The following GP2 variants were observed in gnomAD, a reference collection of about 807,000 sequenced individuals.
The protein encoded by GP2 is glycoprotein 2, also known as pancreatic secretory granule membrane major glycoprotein GP2.
GP2 carries 58 observed loss-of-function variants against 60.8 expected under a neutral mutation model. The observed-to-expected ratio is 0.95, with a 90% CI of 0.77 to 1.19. GP2 has a LOEUF of 1.19. GP2 is among the 50% of genes most tolerant of loss of function. The pLI is 0.00. For synonymous variants in GP2, 280 were observed against 253.4 expected, an observed-to-expected ratio of 1.10 and a Z score of -1.00; for missense variants, 647 against 667.4, an observed-to-expected ratio of 0.97 and a Z score of 0.34.
In GP2 at chr16:20,318,326, A is replaced by T. The variant is rs369702436; in HGVS notation, c.1112T>A (p.Leu371Gln). 4.3e-6 allele frequency: 7 copies of T among 1,613,824 alleles called. No homozygotes were observed. Among genetic ancestry groups the T allele is most frequent in the Non-Finnish European group, 5.1e-6 (6 of 1,179,794 alleles). ...CACATACAGCACGGACTCAACAGAC[A>T]GTTCAACTGCATCCCCTTCGTAAGG... ...TNPYEGDAVE[L>Q]SVESVLYVGA... The change falls in exon 7 of 11, where the codon CTG becomes CAG. Residue 371 changes from leucine to glutamine, a missense_variant. Leu to Gln is a moderately radical substitution (Grantham distance 113, BLOSUM62 -2). Transcript: ENST00000302555.
intron 9 of GP2, 149 bp downstream of exon 9, chr16:20,315,807 C>A: frequency 1.6e-6 from 1 of 642,744 alleles, no homozygotes. Context: ...TCATTATTAC[C>A]CAAAGCATCT....
chr16:20,317,168 G>C (rs775923486), intron 8 of GP2, 45 bp downstream of exon 8: 1 of 1,128,564 alleles, frequency 8.9e-7, no homozygotes, highest in East Asian at 5.1e-5. Context: ...CAGGTACCAG[G>C]CTCCATGCCA....
chr16:20,324,531 T>C (rs913585794), intron 2 of GP2, among the ~76,000 whole-genome samples: 20 of 152,220 alleles, frequency 1.3e-4, no homozygotes, highest in African/African-American at 4.3e-4. Context: ...CTGTGCATCA[T>C]GCAAACAGCA....
chr16:20,313,550 T>C (rs1418388371), intron 10 of GP2, among the ~76,000 whole-genome samples: 1 of 152,246 alleles, frequency 6.6e-6, no homozygotes, highest in Non-Finnish European at 1.5e-5. Context: ...CCGACTCATT[T>C]TTCTCAATTG....
chr16:20,324,480 G>A (rs1225400006), intron 2 of GP2, among the ~76,000 whole-genome samples: 2 of 152,192 alleles, frequency 1.3e-5, no homozygotes, highest in Non-Finnish European at 2.9e-5. Flanking sequence ...CTACCGTCCT[G>A]CACAGCCTCC....
At chr16:20,315,529 C>T (rs116170824) in intron 9 of GP2, among the ~76,000 whole-genome samples, 2,435 of 152,250 alleles carry the variant, frequency 0.016, 39 homozygotes, top group African/African-American at 0.036. Context: ...TTAGGACTTA[C>T]GCCTCACCCA....
chr16:20,327,466 C>T lies in GP2; in HGVS notation c.-37+1G>A, dbSNP rs1162107854. 1.6e-6 allele frequency: 2 copies of T among 1,287,990 alleles called. No homozygotes were observed. The highest frequency in any genetic ancestry group is 2.0e-6 in the Non-Finnish European group (2 of 987,862). 79.8% of individuals were successfully genotyped at this position (1,287,990 alleles called of 1,614,324 possible). A position where few individuals can be genotyped will look rare whatever the true frequency, so the allele number is the denominator to read the frequency against. On this transcript the variant is annotated splice_donor_variant, in intron 1 of 10. Coordinates refer to ENST00000302555, the MANE Select transcript of GP2 (RefSeq NM_001502.4). LOFTEE classifies it low-confidence loss of function (5UTR_SPLICE). ...CTCCTGGGGCTTAAAGCAGGACTTA[C>T]CTCCGATGAGAACACAAAGCGTTCC...
Position 20,318,181 on chromosome 16 carries a change from T to C in GP2, c.1253+4A>G, listed in dbSNP as rs2141599616. 1 of 1,612,716 alleles carries C rather than the reference T, an allele frequency of 6.2e-7. No homozygotes were observed. Among genetic ancestry groups the C allele is most frequent in the East Asian group, 2.2e-5 (1 of 44,864 alleles). On this transcript the variant is annotated splice_donor_region_variant and intron_variant, in intron 7 of 10. Transcript: ENST00000302555. The stretch of plus-strand genomic sequence containing the variant: ...CAAATGATAATTCCAGAATTGCTCG[T>C]TACCTGTTTCTGATGATGAAATACT...
At position 20,324,166 on chromosome 16, in the gene GP2, G is replaced by C. The variant is rs1348233038; in HGVS notation, c.185C>G (p.Pro62Arg). The C allele has an allele frequency of 1.9e-6, 3 of 1,613,670 alleles. No individual in the cohort carries two copies. Among genetic ancestry groups the C allele is most frequent in the Non-Finnish European group, 2.5e-6 (3 of 1,179,658 alleles). Residue 62 changes from proline (P) to arginine (R), a missense_variant, in exon 3 of 11, where the codon CCC (proline) becomes CGC (arginine). By Grantham distance (103) the Pro-to-Arg change is moderately radical (BLOSUM62 -2). Coordinates refer to ENST00000302555, the MANE Select transcript of GP2 (RefSeq NM_001502.4). ...GTPEAHVCFD[P>R]CQNYTLLDEP... Reference sequence around the variant, plus strand: ...ATCCAGGAGGGTGTAATTCTGACAGGGGTCAAAACAGACATGAGCCTCTGG... The same window carrying C: ...ATCCAGGAGGGTGTAATTCTGACAGCGGTCAAAACAGACATGAGCCTCTGG...
In GP2 at chr16:20,311,237, C is replaced by T; in HGVS notation, c.1591G>A (p.Ala531Thr). ...CAGCGGAGCTCTCAGAACAGCCAAGCCAGGAGGACAGTCAGGAGGACCATA... is the reference window on the plus strand; with the variant it reads ...CAGCGGAGCTCTCAGAACAGCCAAGTCAGGAGGACAGTCAGGAGGACCATA... ...WPMVLLTVLLAWLF is the reference protein window; with the variant it reads ...WPMVLLTVLLTWLF The change falls in exon 11 of 11, where the codon GCT (alanine) becomes ACT (threonine). Residue 531 changes from alanine to threonine, a missense_variant. Physicochemically the swap from Ala to Thr is moderately conservative, Grantham distance 58. Transcript: ENST00000302555. 6.2e-7 allele frequency: 1 copy of T among 1,609,860 alleles called. No homozygotes were observed. The highest frequency in any genetic ancestry group is 1.3e-5 in the African/African-American group (1 of 74,914).
intron 9 of GP2, 147 bp from the exon 10 acceptor site, chr16:20,314,848 T>A: frequency 1.4e-6 from 1 of 693,904 alleles, no homozygotes; most frequent in South Asian, 1.6e-5. Flanking sequence ...ATCTAGAATC[T>A]GGCACAGGCA....
intron 1 of GP2, 32 bp from the exon 2 acceptor site, chr16:20,326,499 G>A (rs556828466): frequency 1.6e-5 from 25 of 1,582,200 alleles, no homozygotes; most frequent in Non-Finnish European, 2.1e-5. Context: ...GATAAGATTA[G>A]GGCATAGGTC....
At chr16:20,312,751 A>C (rs763932549) in intron 10 of GP2, among the ~76,000 whole-genome samples, 6 of 152,066 alleles carry the variant, frequency 3.9e-5, no homozygotes, top group Non-Finnish European at 8.8e-5. Context: ...CCCGGGTTCA[A>C]GTGATTCTCC....
chr16:20,317,831 G>A (rs973415019), intron 7 of GP2, among the ~76,000 whole-genome samples: 1 of 152,004 alleles, frequency 6.6e-6, no homozygotes, highest in South Asian at 2.1e-4. Flanking sequence ...TTTGTCAGCC[G>A]GGCATGTTTA....
intron 4 of GP2, among the ~76,000 whole-genome samples, chr16:20,322,338 A>C (rs1013624940): frequency 1.3e-5 from 2 of 152,178 alleles, no homozygotes; most frequent in Non-Finnish European, 2.9e-5. Context: ...CCCATGGGAC[A>C]TCTCACTCTG....
At position 20,310,832 on chromosome 16, in the gene GP2, C is replaced by T. The variant is rs962309277; in HGVS notation, c.*391G>A. The T allele has an allele frequency of 2.9e-5, 5 of 171,620 alleles. No individual in the cohort carries two copies. Among genetic ancestry groups the T allele is most frequent in the Non-Finnish European group, 4.9e-5 (4 of 80,940 alleles). The allele number at this position is 171,620 out of a possible 1,614,324, so 10.6% of individuals were successfully genotyped here. On this transcript the variant is annotated 3_prime_UTR_variant, in exon 11 of 11. Coordinates refer to ENST00000302555, the MANE Select transcript of GP2 (RefSeq NM_001502.4). ...AGTGCAATGGCACAATCTCAACTCA[C>T]TGCAACCTCCACCCCCTGAGTTCGA... is the stretch of plus-strand genomic sequence containing the variant.
chr16:20,324,588 G>A (rs1393717049), intron 2 of GP2, among the ~76,000 whole-genome samples: 1 of 152,092 alleles, frequency 6.6e-6, no homozygotes, highest in African/African-American at 2.4e-5. Flanking sequence ...ATGTAATACA[G>A]GCTCACTGAA....
chr16:20,324,057 T>C lies in GP2; in HGVS notation c.294A>G (p.Glu98=), dbSNP rs1273530958. Residue 98 remains glutamate, a synonymous_variant, in exon 3 of 11, where the codon GAA becomes GAG. Coordinates refer to ENST00000302555, the MANE Select transcript of GP2 (RefSeq NM_001502.4). ...AGGTCTCCGACATCCTTACTCCTCC[T>C]TCCCCTACAAAGCGGTACCAGCCGC... ...NMSGWYRFVG[E]GGVRMSETCV... The C allele has an allele frequency of 3.7e-6, 6 of 1,613,818 alleles. No homozygotes were observed. Among genetic ancestry groups the C allele is most frequent in the African/African-American group, 1.3e-5 (1 of 74,934 alleles).
At chr16:20,316,063 T>A in intron 8 of GP2, 23 bp from the exon 9 acceptor site, 2 of 1,497,450 alleles carry the variant, frequency 1.3e-6, no homozygotes, top group Non-Finnish European at 1.9e-6. Context: ...TGAACTTTTA[T>A]TATATCAAAA....
Sources: allele counts gnomAD v4.1 joint callset (sites outside exome capture counted in the v4.1 genomes callset), GRCh38; gene constraint gnomAD v4.1.1; transcripts MANE v1.5; gene names NCBI Gene and HGNC (gene_info 2026-07-23, HGNC 2026-07-21).